Variants in SPHKAP observed in about 807,000 individuals in gnomAD.
SPHKAP encodes A-kinase anchor protein SPHKAP.
In SPHKAP, 67 loss-of-function variants were observed where a neutral mutation model predicts 137.5. That is an observed-to-expected ratio of 0.49 (90% confidence interval 0.40 to 0.60). SPHKAP has a LOEUF of 0.60. Ranked by LOEUF, SPHKAP falls within the 20% of genes least tolerant of loss-of-function variation. SPHKAP has a pLI of 0.00. For missense variants in SPHKAP, 2,097 were observed against 2,069.3 expected (o/e 1.01, Z -0.26); for synonymous variants, 813 against 785.3 (o/e 1.04, Z -0.59).
intron 1 of SPHKAP, among the ~76,000 whole-genome samples, chr2:228,158,240 C>G (rs890382525): frequency 6.6e-6 from 1 of 152,036 alleles, no homozygotes; most frequent in Admixed American, 6.6e-5. Flanking sequence ...CATTCTTTAC[C>G]CACTTTGCTC....
intron 3 of SPHKAP, among the ~76,000 whole-genome samples, chr2:228,081,277 C>T (rs1018852009): frequency 6.6e-6 from 1 of 152,170 alleles, no homozygotes; most frequent in African/African-American, 2.4e-5. Context: ...CTCTCTTTCC[C>T]CTCCAGCCTG....
intron 1 of SPHKAP, among the ~76,000 whole-genome samples, chr2:228,165,256 A>G (rs1700390434): frequency 6.6e-6 from 1 of 152,074 alleles, no homozygotes; most frequent in African/African-American, 2.4e-5. Flanking sequence ...ATTTCCCCAA[A>G]GTCCTGGTCA....
rs1453387460 is a variant in SPHKAP, at chr2:228,018,171, T to C, written c.2683A>G (p.Asn895Asp). The C allele has an allele frequency of 6.2e-7, 1 of 1,614,176 alleles. No individual in the cohort carries two copies. The highest frequency in any genetic ancestry group is 1.7e-5 in the Admixed American group (1 of 60,028). The change falls in exon 7 of 12, where the codon AAC becomes GAC. Residue 895 changes from asparagine (N) to aspartate (D), a missense_variant. Transcript: ENST00000392056. ...AAGGACAGGTTGACTTGAACTTCGT[T>C]GATGCGAGATGTGGCACAGTTGTAC... Reference protein sequence around the residue: ...EKYNCATSRINEVQVNLSLLG... With the variant: ...EKYNCATSRIDEVQVNLSLLG...
chr2:228,128,580 A>G (rs1442108840), intron 2 of SPHKAP, among the ~76,000 whole-genome samples: 1 of 152,196 alleles, frequency 6.6e-6, no homozygotes, highest in African/African-American at 2.4e-5. Context: ...CCTTTCTAGA[A>G]GATTTTCTAT....
chr2:228,174,033 T>G (rs13015535), intron 1 of SPHKAP, among the ~76,000 whole-genome samples: 1 of 152,318 alleles, frequency 6.6e-6, no homozygotes, highest in Middle Eastern at 3.4e-3. Flanking sequence ...AAATGTGGCT[T>G]GGTGTGCAGG....
chr2:228,006,182 C>T lies in SPHKAP; in HGVS notation c.4448+10224G>A, dbSNP rs191412052. 8.9e-4 allele frequency among the ~76,000 whole-genome samples: 135 copies of T among 152,182 alleles called. 1 individual carries two copies. In the East Asian group the frequency reaches 0.013, roughly 15 times the overall value. On this transcript the variant is annotated intron_variant, in intron 7 of 11. Coordinates refer to ENST00000392056, the MANE Select transcript of SPHKAP (RefSeq NM_001142644.2). Reference sequence around the variant, plus strand: ...CCCATCACTTTCAGGTACACCAATCCGATGTAGATTTGTTCTTTTCACACA... The same window carrying T: ...CCCATCACTTTCAGGTACACCAATCTGATGTAGATTTGTTCTTTTCACACA...
chr2:228,168,708 T>G (rs1164960069), intron 1 of SPHKAP, among the ~76,000 whole-genome samples: 1 of 152,122 alleles, frequency 6.6e-6, no homozygotes, highest in Non-Finnish European at 1.5e-5. Context: ...TGAAATGGCC[T>G]GTAGATCTTC....
intron 3 of SPHKAP, among the ~76,000 whole-genome samples, chr2:228,099,300 T>C (rs1698109710): frequency 6.6e-6 from 1 of 152,142 alleles, no homozygotes; most frequent in Non-Finnish European, 1.5e-5. Flanking sequence ...CCTTTCCTCA[T>C]TGCTTGTTGT....
At chr2:228,032,078 T>C (rs1267401645) in intron 3 of SPHKAP, among the ~76,000 whole-genome samples, 1 of 152,088 alleles carries the variant, frequency 6.6e-6, no homozygotes, top group Non-Finnish European at 1.5e-5. Context: ...ACGATCAAAC[T>C]ACTCCGAACT....
chr2:228,031,920 C>A (rs1469464289), intron 3 of SPHKAP, among the ~76,000 whole-genome samples: 1 of 152,220 alleles, frequency 6.6e-6, no homozygotes, highest in East Asian at 1.9e-4. Flanking sequence ...TAGATAAAGC[C>A]ACAAAGATGG....
intron 3 of SPHKAP, among the ~76,000 whole-genome samples, chr2:228,057,909 T>C (rs1391516453): frequency 6.6e-6 from 1 of 152,172 alleles, no homozygotes; most frequent in African/African-American, 2.4e-5. Flanking sequence ...AGCTTTGTTA[T>C]GATGAATAGT....
chr2:228,138,359 A>C (rs1439977030), intron 1 of SPHKAP, among the ~76,000 whole-genome samples: 1 of 152,236 alleles, frequency 6.6e-6, no homozygotes, highest in Non-Finnish European at 1.5e-5. Flanking sequence ...CTGCTGCAAT[A>C]ACTTGCATAA....
At chr2:228,172,191 C>T (rs183656674) in intron 1 of SPHKAP, among the ~76,000 whole-genome samples, 1 of 152,014 alleles carries the variant, frequency 6.6e-6, no homozygotes, top group East Asian at 1.9e-4. Flanking sequence ...AATGTAGCAC[C>T]GTATTTGCAA....
chr2:228,163,088 A>T (rs1444648456), intron 1 of SPHKAP, among the ~76,000 whole-genome samples: 1 of 152,216 alleles, frequency 6.6e-6, no homozygotes, highest in Non-Finnish European at 1.5e-5. Flanking sequence ...ATTATTAAGC[A>T]CTGGGGCTCT....
chr2:228,085,688 G>C (rs1485913028), intron 3 of SPHKAP, among the ~76,000 whole-genome samples: 1 of 152,102 alleles, frequency 6.6e-6, no homozygotes, highest in East Asian at 1.9e-4. Context: ...CAATACTGTT[G>C]AAAAAGGCTT....
intron 1 of SPHKAP, chr2:228,173,113 C>T (rs1700634969): frequency 1.0e-6 from 1 of 977,420 alleles, no homozygotes; most frequent in African/African-American, 1.7e-5. Context: ...TCAGCTCAGG[C>T]ACACTGAATG....
At position 228,018,313 on chromosome 2, in the gene SPHKAP, A is replaced by G; in HGVS notation, c.2541T>C (p.His847=). ...AGGCTCTGCATTCATTCTCACTGTG[A>G]TGAGGGCTTTTTGTATCCTCTCCTG... The part of the protein sequence containing the change: ...GIAGEDTKSP[H]HSENECRASS... The change falls in exon 7 of 12, where the codon CAT becomes CAC. Residue 847 remains histidine, a synonymous_variant. Transcript: ENST00000392056. The G allele has an allele frequency of 6.2e-7, 1 of 1,613,926 alleles. No homozygotes were observed. The highest frequency in any genetic ancestry group is 8.5e-7 in the Non-Finnish European group (1 of 1,179,970).
intron 3 of SPHKAP, among the ~76,000 whole-genome samples, chr2:228,038,686 C>T (rs1200815494): frequency 1.3e-5 from 2 of 152,166 alleles, no homozygotes; most frequent in African/African-American, 4.8e-5. Flanking sequence ...GTCTTCACAT[C>T]CTGTTAGTTC....
At chr2:228,082,571 AG>A (rs765032493) in intron 3 of SPHKAP, among the ~76,000 whole-genome samples, 4 of 152,318 alleles carry the variant, frequency 2.6e-5, no homozygotes, top group Non-Finnish European at 4.4e-5. Flanking sequence ...TTTATAATTA[AG>A]GGATCCTCTG....
Sources: allele counts gnomAD v4.1 joint callset (sites outside exome capture counted in the v4.1 genomes callset), GRCh38; gene constraint gnomAD v4.1.1; transcripts MANE v1.5; gene names NCBI Gene and HGNC (gene_info 2026-07-23, HGNC 2026-07-21).